EBF2: variants seen among roughly 807,000 people sequenced by gnomAD.
The protein encoded by EBF2 is EBF transcription factor 2.
In EBF2, 21 loss-of-function variants were observed where a neutral mutation model predicts 72.8. That is an observed-to-expected ratio of 0.29 (90% confidence interval 0.20 to 0.42). The LOEUF is 0.42. Among genes scored for constraint, EBF2 ranks in the 10% least tolerant of loss-of-function variants. EBF2 has a pLI of 1.00. For missense variants in EBF2, 637 were observed against 731.2 expected (o/e 0.87, Z 1.49); for synonymous variants, 299 against 274.2 (o/e 1.09, Z -0.89).
chr8:25,947,530 T>C (rs1803791194), intron 6 of EBF2, among the ~76,000 whole-genome samples: 4 of 152,212 alleles, frequency 2.6e-5, no homozygotes, highest in Admixed American at 2.6e-4. Context: ...TTTCAGTTCT[T>C]GACCACTCAC....
intron 6 of EBF2, among the ~76,000 whole-genome samples, chr8:25,923,239 T>C (rs997502343): frequency 6.6e-6 from 1 of 152,160 alleles, no homozygotes; most frequent in African/African-American, 2.4e-5. Context: ...GGATAACCAC[T>C]CCCAGAAATG....
At chr8:26,033,592 G>A (rs939756091) in intron 5 of EBF2, among the ~76,000 whole-genome samples, 3 of 152,154 alleles carry the variant, frequency 2.0e-5, no homozygotes, top group Non-Finnish European at 4.4e-5. Flanking sequence ...GGGCCTGTCC[G>A]AGGGGTGGTG....
intron 6 of EBF2, among the ~76,000 whole-genome samples, chr8:25,922,225 C>G (rs1803315826): frequency 1.3e-5 from 2 of 150,610 alleles, no homozygotes; most frequent in Admixed American, 1.3e-4. Flanking sequence ...CAAATAACTT[C>G]CAAACTGATG....
intron 6 of EBF2, among the ~76,000 whole-genome samples, chr8:25,985,602 A>G (rs973393770): frequency 6.6e-6 from 1 of 152,198 alleles, no homozygotes; most frequent in Non-Finnish European, 1.5e-5. Context: ...ATATATAACA[A>G]AGGTCATTCT....
chr8:26,027,770 T>A (rs986300123), intron 6 of EBF2, among the ~76,000 whole-genome samples: 1 of 152,050 alleles, frequency 6.6e-6, no homozygotes, highest in Non-Finnish European at 1.5e-5. Context: ...CAACGGAATA[T>A]CATTTGGCCT....
intron 14 of EBF2, among the ~76,000 whole-genome samples, chr8:25,852,597 G>A (rs1802004961): frequency 6.6e-6 from 1 of 152,140 alleles, no homozygotes; most frequent in South Asian, 2.1e-4. Context: ...GGAAAGCAGG[G>A]CCCATTAGAT....
At chr8:25,898,318 GA>G (rs1223953485) in intron 7 of EBF2, among the ~76,000 whole-genome samples, 1 of 152,118 alleles carries the variant, frequency 6.6e-6, no homozygotes, top group African/African-American at 2.4e-5. Context: ...CACCTAAGAA[GA>G]ATTCTAATTG....
In EBF2 at chr8:25,842,939, C is replaced by T. The variant is rs544078594; in HGVS notation, c.*1670G>A. On this transcript the variant is annotated 3_prime_UTR_variant, in exon 16 of 16. Coordinates refer to ENST00000520164, the MANE Select transcript of EBF2 (RefSeq NM_022659.4). Reference sequence around the variant, plus strand: ...ACCCCAAACTAAGTCTGTGTATAGACTCTATTGTGGTGCTCATGAGTCAAT... The same window carrying T: ...ACCCCAAACTAAGTCTGTGTATAGATTCTATTGTGGTGCTCATGAGTCAAT... The T allele has an allele frequency of 6.6e-6, 1 of 152,208 alleles. No homozygotes were observed. Among genetic ancestry groups the T allele is most frequent in the African/African-American group, 2.4e-5 (1 of 41,450 alleles). 9.4% of individuals were successfully genotyped at this position (152,208 alleles called of 1,614,324 possible).
chr8:25,863,289 G>A lies in EBF2; in HGVS notation c.1010-492C>T, dbSNP rs114279671. On this transcript the variant is annotated intron_variant, in intron 10 of 15. Coordinates refer to ENST00000520164, the MANE Select transcript of EBF2 (RefSeq NM_022659.4). ...ATAAAACCCACTTTATGCATAATAC[G>A]CTTCCACAATTTTCAATTATATTTA... Among the ~76,000 whole-genome samples, 1,327 of 151,780 alleles carry A rather than the reference G, an allele frequency of 8.7e-3. 19 individuals carry two copies. Among genetic ancestry groups the A allele is most frequent in the African/African-American group, 0.031 (1,263 of 41,390 alleles).
chr8:25,994,864 A>C (rs1804599065), intron 6 of EBF2, among the ~76,000 whole-genome samples: 1 of 152,240 alleles, frequency 6.6e-6, no homozygotes, highest in African/African-American at 2.4e-5. Flanking sequence ...TTATACACCA[A>C]ACCCCAGCAA....
intron 5 of EBF2, among the ~76,000 whole-genome samples, chr8:26,035,663 A>C (rs908925500): frequency 2.6e-5 from 4 of 152,252 alleles, no homozygotes; most frequent in African/African-American, 9.6e-5. Flanking sequence ...TGAGGTTTTA[A>C]GAAATTTAAT....
At chr8:25,934,505 G>C (rs940970062) in intron 6 of EBF2, among the ~76,000 whole-genome samples, 2 of 152,154 alleles carry the variant, frequency 1.3e-5, no homozygotes. Context: ...GAAGGGAAGA[G>C]AGTTGGAAGC....
At chr8:25,976,110 T>A (rs1013688144) in intron 6 of EBF2, among the ~76,000 whole-genome samples, 1 of 152,200 alleles carries the variant, frequency 6.6e-6, no homozygotes, top group African/African-American at 2.4e-5. Context: ...TCAATTACTA[T>A]GAAAACCCTC....
intron 6 of EBF2, among the ~76,000 whole-genome samples, chr8:25,928,052 A>T (rs1472201753): frequency 6.6e-6 from 1 of 152,172 alleles, no homozygotes; most frequent in Non-Finnish European, 1.5e-5. Flanking sequence ...TATCCTCCAC[A>T]CAAAGGTAGC....
intron 6 of EBF2, among the ~76,000 whole-genome samples, chr8:25,978,525 G>A (rs185753891): frequency 1.2e-4 from 19 of 152,274 alleles, no homozygotes; most frequent in Admixed American, 6.5e-4. Flanking sequence ...GAGGGGCATC[G>A]CAGCAATGGT....
intron 6 of EBF2, among the ~76,000 whole-genome samples, chr8:25,978,767 A>G (rs538532537): frequency 6.6e-6 from 1 of 152,336 alleles, no homozygotes; most frequent in East Asian, 1.9e-4. Flanking sequence ...AAATGCTGTC[A>G]TTGCAGTTAA....
intron 6 of EBF2, among the ~76,000 whole-genome samples, chr8:25,925,052 A>C (rs1368117104): frequency 2.0e-5 from 3 of 152,134 alleles, no homozygotes; most frequent in Non-Finnish European, 4.4e-5. Flanking sequence ...GAGTTTCAAA[A>C]GCCAGTGCTG....
At chr8:26,016,126 T>C (rs905322800) in intron 6 of EBF2, among the ~76,000 whole-genome samples, 2 of 152,184 alleles carry the variant, frequency 1.3e-5, no homozygotes, top group African/African-American at 4.8e-5. Context: ...CTAAACCAGC[T>C]CTTTAGTGCA....
intron 6 of EBF2, among the ~76,000 whole-genome samples, chr8:25,993,683 GA>G (rs1220436807): frequency 2.6e-5 from 4 of 152,182 alleles, no homozygotes; most frequent in African/African-American, 9.6e-5. Context: ...ATGCTCCCTA[GA>G]ACACAGAGGG....
Sources: gnomAD v4.1 joint callset for allele counts (sites outside exome capture counted in the v4.1 genomes callset) on GRCh38, gnomAD v4.1.1 for gene constraint, MANE v1.5 for transcripts, NCBI Gene and HGNC (gene_info 2026-07-23, HGNC 2026-07-21) for gene names.